ASTN2: variants seen among roughly 807,000 people sequenced by gnomAD.
ASTN2 encodes astrotactin 2, also known as astrotactin-2.
In ASTN2, 54 loss-of-function variants were observed where a neutral mutation model predicts 139.8. The observed-to-expected ratio is 0.39, with a 90% confidence interval of 0.31 to 0.48. The LOEUF (loss-of-function observed/expected upper bound fraction) is 0.48. Ranked by LOEUF, ASTN2 falls within the 20% of genes least tolerant of loss-of-function variation. ASTN2 has a pLI of 0.95. For missense variants in ASTN2, 1,565 were observed against 1,725.1 expected (o/e 0.91, Z 1.64); for synonymous variants, 756 against 719.5 (o/e 1.05, Z -0.81).
chr9:116,502,435 G>C (rs1849897310), intron 19 of ASTN2, among the ~76,000 whole-genome samples: 2 of 151,754 alleles, frequency 1.3e-5, no homozygotes, highest in African/African-American at 4.8e-5. Flanking sequence ...AGACAGAGGA[G>C]AAATGGAGAG....
At chr9:117,295,234 A>G (rs925490094) in intron 1 of ASTN2, among the ~76,000 whole-genome samples, 3 of 152,166 alleles carry the variant, frequency 2.0e-5, no homozygotes, top group African/African-American at 7.2e-5. Context: ...AGGCCCAAGA[A>G]TCGCTTGAAC....
At chr9:116,557,223 CAAAAAAAAA>C (rs60756690) in intron 19 of ASTN2, among the ~76,000 whole-genome samples, 9 of 53,596 alleles carry the variant, frequency 1.7e-4, no homozygotes, top group African/African-American at 3.7e-4. Flanking sequence ...GACTCTGTCT[CAAAAAAAAA>C]AAAAAAAAAA....
chr9:116,988,122 T>C (rs545257388), intron 7 of ASTN2, among the ~76,000 whole-genome samples: 1 of 152,240 alleles, frequency 6.6e-6, no homozygotes, highest in Non-Finnish European at 1.5e-5. Context: ...GGGGAACTAC[T>C]ATAGCCATTC....
intron 13 of ASTN2, among the ~76,000 whole-genome samples, chr9:116,782,192 A>G (rs1830237287): frequency 6.6e-6 from 1 of 152,210 alleles, no homozygotes; most frequent in African/African-American, 2.4e-5. Context: ...ATCACTCTCT[A>G]GCTGTCAGTG....
In ASTN2 at chr9:116,473,416, A is replaced by T. The variant is rs1006401370; in HGVS notation, c.3497+13943T>A. Among the ~76,000 whole-genome samples, 5 of 152,324 alleles carry T rather than the reference A, an allele frequency of 3.3e-5. No homozygotes were observed. The East Asian group carries it at 5.8e-4, about 18-fold the overall frequency. ...GTTCAAGGAATAGTAGAATAAAAAG[A>T]GAGGGAGGAAAGGCATCTCTTGTTA... On this transcript the variant is annotated intron_variant, in intron 20 of 22. Transcript: ENST00000313400.
At chr9:116,806,368 C>T (rs986830576) in intron 12 of ASTN2, among the ~76,000 whole-genome samples, 1 of 152,148 alleles carries the variant, frequency 6.6e-6, no homozygotes, top group African/African-American at 2.4e-5. Context: ...ACAGGGGTGG[C>T]CTCATCTATG....
intron 10 of ASTN2, among the ~76,000 whole-genome samples, chr9:116,888,261 C>A (rs1022725886): frequency 1.3e-5 from 2 of 151,910 alleles, no homozygotes; most frequent in Admixed American, 6.6e-5. Flanking sequence ...CACAATGAGA[C>A]CTTGTCTCAA....
intron 16 of ASTN2, chr9:116,686,675 C>T: frequency 1.3e-6 from 2 of 1,549,708 alleles, no homozygotes; most frequent in Non-Finnish European, 8.7e-7. Context: ...CAAAACTACA[C>T]TTGGTTTGGG....
chr9:116,522,340 AG>A (rs1329424264), intron 19 of ASTN2, among the ~76,000 whole-genome samples: 1 of 152,198 alleles, frequency 6.6e-6, no homozygotes, highest in Non-Finnish European at 1.5e-5. Context: ...AGCTATAAAA[AG>A]GTATGAAATA....
intron 7 of ASTN2, among the ~76,000 whole-genome samples, chr9:116,993,015 T>G (rs868129896): frequency 2.6e-5 from 4 of 152,196 alleles, no homozygotes; most frequent in Admixed American, 2.6e-4. Context: ...TTACCTCTGT[T>G]CCTACAGATG....
At chr9:117,193,639 C>CAAAAAAAAAAAAA (rs61700943) in intron 3 of ASTN2, among the ~76,000 whole-genome samples, 62 of 105,336 alleles carry the variant, frequency 5.9e-4, no homozygotes, top group Non-Finnish European at 6.9e-4. Flanking sequence ...ATTCAGTCAC[C>CAAAAAAAAAAAAA]AAAAAAAAAA....
chr9:116,914,976 C>T (rs7033539), intron 10 of ASTN2, among the ~76,000 whole-genome samples: 30,321 of 152,046 alleles, frequency 0.2, 3,540 homozygotes, highest in Non-Finnish European at 0.25. Context: ...CCAGATGCTG[C>T]CTTAGGATAC....
At chr9:117,344,721 G>C (rs2130869994) in intron 1 of ASTN2, among the ~76,000 whole-genome samples, 1 of 152,224 alleles carries the variant, frequency 6.6e-6, no homozygotes, top group African/African-American at 2.4e-5. Flanking sequence ...GCTAAGGGAA[G>C]AGGAAAGAAT....
At chr9:116,474,880 G>A (rs974843000) in intron 20 of ASTN2, among the ~76,000 whole-genome samples, 8 of 152,302 alleles carry the variant, frequency 5.3e-5, no homozygotes, top group South Asian at 2.1e-4. Flanking sequence ...CTCTCCCTAT[G>A]TTGAACTAAC....
Position 116,537,482 on chromosome 9 carries a change from G to T in ASTN2, c.3356-49982C>A, listed in dbSNP as rs72759986. ...ACCTATGGACATTATATGAGACACAGTGATATGTGTAATGATGTGTAATGT... is the reference window on the plus strand; with the variant it reads ...ACCTATGGACATTATATGAGACACATTGATATGTGTAATGATGTGTAATGT... On this transcript the variant is annotated intron_variant, in intron 19 of 22. Transcript: ENST00000313400. Among the ~76,000 whole-genome samples the T allele has an allele frequency of 6.7e-3, 1,017 of 152,332 alleles. 4 individuals are homozygous for T. The highest frequency in any genetic ancestry group is 0.012 in the Admixed American group (188 of 15,304).
chr9:117,265,053 C>T (rs1833911213), intron 2 of ASTN2, among the ~76,000 whole-genome samples: 1 of 152,116 alleles, frequency 6.6e-6, no homozygotes, highest in Non-Finnish European at 1.5e-5. Flanking sequence ...TCATTTTTCC[C>T]CTTCTGAGCC....
intron 16 of ASTN2, among the ~76,000 whole-genome samples, chr9:116,702,300 CA>C (rs1284184727): frequency 6.6e-6 from 1 of 151,994 alleles, no homozygotes; most frequent in East Asian, 1.9e-4. Flanking sequence ...TCTAGTTGCT[CA>C]AAAGAGCACC....
At chr9:116,604,528 TA>T (rs1855087569) in intron 19 of ASTN2, among the ~76,000 whole-genome samples, 1 of 151,902 alleles carries the variant, frequency 6.6e-6, no homozygotes, top group African/African-American at 2.4e-5. Flanking sequence ...TGACCCGGAG[TA>T]AGCAGAGAGC....
chr9:116,530,490 A>G (rs1208044547), intron 19 of ASTN2, among the ~76,000 whole-genome samples: 1 of 152,030 alleles, frequency 6.6e-6, no homozygotes, highest in Non-Finnish European at 1.5e-5. Flanking sequence ...GTGTGTTCTC[A>G]TTATGAAAAA....
Sources: gnomAD v4.1 joint callset for allele counts (sites outside exome capture counted in the v4.1 genomes callset) on GRCh38, gnomAD v4.1.1 for gene constraint, MANE v1.5 for transcripts, NCBI Gene and HGNC (gene_info 2026-07-23, HGNC 2026-07-21) for gene names.